NME8: variants seen among roughly 807,000 people sequenced by gnomAD.
The protein encoded by NME8 is protein NME8.
Under a neutral mutation model 82.3 loss-of-function variants are expected in NME8, and 72 were observed. That is an observed-to-expected ratio of 0.87 (90% CI 0.72 to 1.06). The LOEUF (loss-of-function observed/expected upper bound fraction) is 1.06. NME8 is among the 50% of genes least tolerant of loss of function. The pLI, the probability that NME8 is intolerant of heterozygous loss-of-function variation, is 0.00. For synonymous variants in NME8, 267 were observed against 228.5 expected, an observed-to-expected ratio of 1.17 and a Z score of -1.52; for missense variants, 712 against 685.4, an observed-to-expected ratio of 1.04 and a Z score of -0.43.
At chr7:37,854,969 G>A (rs148088643) in intron 5 of NME8, among the ~76,000 whole-genome samples, 1 of 152,240 alleles carries the variant, frequency 6.6e-6, no homozygotes, top group East Asian at 1.9e-4. Context: ...AACAATGATG[G>A]CATCTTCAAT....
intron 10 of NME8, 46 bp downstream of exon 10, chr7:37,865,663 T>C (rs1562831906): frequency 7.9e-7 from 1 of 1,273,252 alleles, no homozygotes; most frequent in Admixed American, 1.7e-5. Context: ...TTAAATACAG[T>C]GGCCTCCATA....
chr7:37,867,027 T>G (rs1204888882), intron 10 of NME8, among the ~76,000 whole-genome samples: 3 of 152,210 alleles, frequency 2.0e-5, no homozygotes, highest in Non-Finnish European at 2.9e-5. Flanking sequence ...CATAGAGGAA[T>G]AGTCACTTAT....
At position 37,894,403 on chromosome 7, in the gene NME8, C is replaced by T. The variant is rs1048651769; in HGVS notation, c.1400-63C>T. ...TATCATTTTCCTTAGTTATTTCAGT[C>T]TACTTGAGTATGGAGGAAAAGTGAA... On this transcript the variant is annotated intron_variant, in intron 15 of 17. Transcript: ENST00000199447. 3 of 1,503,522 alleles carry T rather than the reference C, an allele frequency of 2.0e-6. No individual in the cohort carries two copies. The African/African-American group carries it at 4.1e-5, about 21-fold the overall frequency. The allele number at this position is 1,503,522 out of a possible 1,614,324, so 93.1% of individuals were successfully genotyped here.
rs778157928 is a variant in NME8, at chr7:37,850,226, A to G, written c.-7-34A>G. The G allele has an allele frequency of 5.9e-6, 9 of 1,536,076 alleles. No homozygotes were observed. In the Admixed American group the frequency reaches 1.5e-4, roughly 26 times the overall value. On this transcript the variant is annotated intron_variant, in intron 2 of 17. Transcript: ENST00000199447. ...AAAGAAAATGTTATTTAAATTTCCTACTTAAAAATTTTTCTTTCTTTTTCC... is the reference window on the plus strand; with the variant it reads ...AAAGAAAATGTTATTTAAATTTCCTGCTTAAAAATTTTTCTTTCTTTTTCC...
At chr7:37,872,052 T>C (rs975038744) in intron 11 of NME8, among the ~76,000 whole-genome samples, 5 of 151,240 alleles carry the variant, frequency 3.3e-5, no homozygotes, top group African/African-American at 7.3e-5. Flanking sequence ...GTGTGGTGTT[T>C]TCTCCACCGA....
chr7:37,877,258 A>G (rs1784869672), intron 12 of NME8, among the ~76,000 whole-genome samples: 1 of 152,214 alleles, frequency 6.6e-6, no homozygotes, highest in African/African-American at 2.4e-5. Context: ...ATTATTACAT[A>G]ATAAAGATTT....
intron 2 of NME8, 135 bp from the exon 3 acceptor site, chr7:37,850,125 A>G: frequency 1.5e-6 from 1 of 678,772 alleles, no homozygotes; most frequent in Non-Finnish European, 2.6e-6. Flanking sequence ...ATAAATACAG[A>G]GATACATAAA....
At chr7:37,884,569 C>T in intron 13 of NME8, 122 bp downstream of exon 13, 1 of 805,478 alleles carries the variant, frequency 1.2e-6, no homozygotes, top group Non-Finnish European at 2.1e-6. Context: ...TCTGAGTTTA[C>T]TTCTCTACCA....
chr7:37,857,288 C>T lies in NME8; in HGVS notation c.213C>T (p.Asn71=). 1 of 1,610,936 alleles carries T rather than the reference C, an allele frequency of 6.2e-7. No individual in the cohort carries two copies. The highest frequency in any genetic ancestry group is 1.1e-5 in the South Asian group (1 of 90,736). Residue 71 remains asparagine (N), a synonymous_variant, in exon 6 of 18, where the codon AAC becomes AAT. Transcript: ENST00000199447. ...ACTTTTTCCAGGCAGAAGCTGACAA[C>T]ATTGTGACTTTGCAGCCATTTAGAG... ...ILHFAVAEAD[N]IVTLQPFRDK...
intron 11 of NME8, among the ~76,000 whole-genome samples, chr7:37,873,359 CA>C (rs10647118): frequency 0.019 from 2,035 of 105,424 alleles, 42 homozygotes; most frequent in African/African-American, 0.073. Context: ...GACTCTGTCT[CA>C]AAAAAAAAAA....
chr7:37,858,139 T>C (rs1378783822), intron 6 of NME8, among the ~76,000 whole-genome samples: 4 of 152,202 alleles, frequency 2.6e-5, no homozygotes, highest in Non-Finnish European at 4.4e-5. Context: ...TAGTGCTAAA[T>C]TGTGTGACAC....
chr7:37,894,723 A>C, intron 16 of NME8, 113 bp downstream of exon 16: 2 of 1,064,882 alleles, frequency 1.9e-6, no homozygotes, highest in Non-Finnish European at 2.7e-6. Flanking sequence ...CATTCATGAA[A>C]AGACATTCTG....
chr7:37,876,691 G>C lies in NME8; in HGVS notation c.819-141G>C, dbSNP rs1279990231. The C allele has an allele frequency of 4.7e-6, 3 of 639,780 alleles. No homozygotes were observed. The East Asian group carries it at 8.4e-5, about 18-fold the overall frequency. The allele number at this position is 639,780 out of a possible 1,614,324, so 39.6% of individuals were successfully genotyped here. ...ATCATATTCTTGGATATAATAGGGAGATGCAATTTATCTTTACATGACATT... is the reference window on the plus strand; with the variant it reads ...ATCATATTCTTGGATATAATAGGGACATGCAATTTATCTTTACATGACATT... On this transcript the variant is annotated intron_variant, in intron 11 of 17. Coordinates refer to ENST00000199447, the MANE Select transcript of NME8 (RefSeq NM_016616.5).
chr7:37,894,731 C>A, intron 16 of NME8, 121 bp downstream of exon 16: 2 of 1,001,218 alleles, frequency 2.0e-6, no homozygotes, highest in Non-Finnish European at 2.9e-6. Context: ...AAAAGACATT[C>A]TGCTAACATT....
Position 37,897,047 on chromosome 7 carries a change from A to C in NME8, c.1722A>C (p.Ala574=). The C allele has an allele frequency of 6.2e-7, 1 of 1,613,934 alleles. No individual in the cohort carries two copies. Among genetic ancestry groups the C allele is most frequent in the Non-Finnish European group, 8.5e-7 (1 of 1,179,874 alleles). ...ATGGAGCATCTAACGCCTATGAAGC[A>C]AAAGAGGTTGTTAATAGACTCTTTG... The part of the protein sequence containing the change: ...IVHGASNAYE[A]KEVVNRLFED... Residue 574 remains alanine, a synonymous_variant, in exon 17 of 18, where the codon GCA becomes GCC. Transcript: ENST00000199447.
At chr7:37,895,385 A>G (rs562622622) in intron 16 of NME8, among the ~76,000 whole-genome samples, 2 of 152,154 alleles carry the variant, frequency 1.3e-5, no homozygotes, top group African/African-American at 4.8e-5. Context: ...TATAATAATA[A>G]CTCTGTGAAG....
intron 7 of NME8, 54 bp downstream of exon 7, chr7:37,862,198 A>C (rs1784607041): frequency 3.4e-6 from 4 of 1,170,236 alleles, no homozygotes; most frequent in Non-Finnish European, 5.1e-6. Context: ...TTAGAGTGAA[A>C]TAGAACAAAA....
intron 8 of NME8, 81 bp from the exon 9 acceptor site, chr7:37,864,267 A>T: frequency 6.8e-7 from 1 of 1,480,266 alleles, no homozygotes; most frequent in Non-Finnish European, 9.2e-7. Context: ...AGAAATTTAC[A>T]TTGCTAATTG....
At chr7:37,896,581 C>A (rs1785232288) in intron 16 of NME8, among the ~76,000 whole-genome samples, 1 of 152,206 alleles carries the variant, frequency 6.6e-6, no homozygotes, top group African/African-American at 2.4e-5. Context: ...AACCATAAAG[C>A]AACAAGTCTT....
Sources: gnomAD v4.1 joint callset for allele counts (sites outside exome capture counted in the v4.1 genomes callset) on GRCh38, gnomAD v4.1.1 for gene constraint, MANE v1.5 for transcripts, NCBI Gene and HGNC (gene_info 2026-07-23, HGNC 2026-07-21) for gene names.